Variants in CHD4 observed in about 807,000 individuals in gnomAD.
CHD4 encodes chromodomain helicase DNA binding protein 4.
CHD4 carries 35 observed loss-of-function variants against 235.5 expected under a neutral mutation model. The observed-to-expected ratio is 0.15, with a 90% CI of 0.11 to 0.20. The LOEUF (loss-of-function observed/expected upper bound fraction) is 0.20, where lower values mean the gene tolerates loss of function less well. Ranked by LOEUF, CHD4 falls within the 10% of genes least tolerant of loss-of-function variation. The probability of loss-of-function intolerance (pLI) is 1.00; values close to 1 mark genes in which losing one functional copy is unlikely to be tolerated. For synonymous variants in CHD4, 900 were observed against 850.2 expected (o/e 1.06, Z -1.02); for missense variants, 1,329 against 2,432.3 (o/e 0.55, Z 9.54).
chr12:6,597,457 A>G (rs1948519598), intron 12 of CHD4, among the ~76,000 whole-genome samples: 1 of 149,844 alleles, frequency 6.7e-6, no homozygotes, highest in Admixed American at 6.6e-5. Flanking sequence ...CACAGCTAAA[A>G]TTTGTCTCAA....
At chr12:6,592,929 T>C (rs567914709) in intron 17 of CHD4, 112 bp from the exon 18 acceptor site, 201 of 1,516,762 alleles carry the variant, frequency 1.3e-4, no homozygotes, top group Middle Eastern at 1.2e-3. Flanking sequence ...ACTCCTCACA[T>C]TCTTTTTAAA....
chr12:6,577,945 A>G (rs763189593), intron 36 of CHD4, 28 bp from the exon 37 acceptor site: 6 of 1,613,290 alleles, frequency 3.7e-6, no homozygotes, highest in Non-Finnish European at 5.1e-6. Flanking sequence ...AGGAAAAACA[A>G]AACAAGGAAA....
At chr12:6,577,113 T>G (rs1232242377) in intron 37 of CHD4, among the ~76,000 whole-genome samples, 3 of 152,038 alleles carry the variant, frequency 2.0e-5, no homozygotes, top group South Asian at 2.1e-4. Flanking sequence ...ACACAGGCAC[T>G]TTTTAGCCCA....
intron 2 of CHD4, among the ~76,000 whole-genome samples, chr12:6,603,423 G>A (rs1206172987): frequency 3.9e-5 from 6 of 152,230 alleles, no homozygotes; most frequent in Admixed American, 2.6e-4. Context: ...AGAAAGGAGT[G>A]GAGAGAAGAA....
In CHD4 at chr12:6,570,851, A is replaced by G. The variant is rs202049023; in HGVS notation, c.5721+18T>C. Reference sequence around the variant, plus strand: ...GGTTCTGCAGGAAGAGGTGGTGTCAAGAAGAAAATGGTCCTACCTGCTGTG... The same window carrying G: ...GGTTCTGCAGGAAGAGGTGGTGTCAGGAAGAAAATGGTCCTACCTGCTGTG... On this transcript the variant is annotated intron_variant, in intron 39 of 39. Transcript: ENST00000544040. 70 of 1,613,784 alleles carry G rather than the reference A, an allele frequency of 4.3e-5. No homozygotes were observed. Among genetic ancestry groups the G allele is most frequent in the Non-Finnish European group, 5.8e-5 (68 of 1,179,826 alleles).
chr12:6,578,706 C>A, intron 34 of CHD4, 140 bp downstream of exon 34: 2 of 1,366,706 alleles, frequency 1.5e-6, no homozygotes, highest in Non-Finnish European at 2.1e-6. Flanking sequence ...CCACTGACAA[C>A]TAAATGTGGG....
At position 6,593,077 on chromosome 12, in the gene CHD4, C is replaced by G. The variant is rs751963093; in HGVS notation, c.2652+14G>C. ...CCAAAGTGGGGGCTCCAACATCCCTCCCTCAGCCCTCACCTTAGACTGATT... is the reference window on the plus strand; with the variant it reads ...CCAAAGTGGGGGCTCCAACATCCCTGCCTCAGCCCTCACCTTAGACTGATT... On this transcript the variant is annotated intron_variant, in intron 17 of 39. Transcript: ENST00000544040. This position sits in a 1 kb window ranked among gnomAD's most constrained non-coding sequence, Gnocchi z 4.9. 5 of 1,613,190 alleles carry G rather than the reference C, an allele frequency of 3.1e-6. No individual in the cohort carries two copies. Among genetic ancestry groups the G allele is most frequent in the African/African-American group, 2.7e-5 (2 of 75,028 alleles).
At position 6,570,413 on chromosome 12, in the gene CHD4, T is replaced by TG; in HGVS notation, c.*262dup. ...AGTTTGTGTGTAACAGGCGTTACAGTGGGGAGAAGCCAGGGTCCAGAAGGC... is the reference window on the plus strand; with the variant it reads ...AGTTTGTGTGTAACAGGCGTTACAGTGGGGGAGAAGCCAGGGTCCAGAAGGC... On this transcript the variant is annotated 3_prime_UTR_variant, in exon 40 of 40. Coordinates refer to ENST00000544040, the MANE Select transcript of CHD4 (RefSeq NM_001273.5). 1 of 529,288 alleles carries TG rather than the reference T, an allele frequency of 1.9e-6. No individual in the cohort carries two copies. Among genetic ancestry groups the TG allele is most frequent in the Admixed American group, 3.5e-5 (1 of 28,574 alleles). 32.8% of individuals were successfully genotyped at this position (529,288 alleles called of 1,614,324 possible). A position where few individuals can be genotyped will look rare whatever the true frequency, so the allele number is the denominator to read the frequency against.
At chr12:6,574,481 T>TC (rs1436526066) in intron 37 of CHD4, among the ~76,000 whole-genome samples, 1 of 151,952 alleles carries the variant, frequency 6.6e-6, no homozygotes, top group Non-Finnish European at 1.5e-5. Flanking sequence ...TGTTGGTTCT[T>TC]AATTTATGAA....
intron 33 of CHD4, chr12:6,579,133 G>C: frequency 2.5e-6 from 1 of 400,366 alleles, no homozygotes; most frequent in South Asian, 2.8e-5. Flanking sequence ...TGGCCAACAA[G>C]GTGAACCCCA....
chr12:6,582,965 C>T (rs763407178), intron 27 of CHD4, 29 bp from the exon 28 acceptor site: 4 of 1,611,844 alleles, frequency 2.5e-6, no homozygotes, highest in Non-Finnish European at 3.4e-6. Flanking sequence ...GAATGAGTGA[C>T]ACAGGTAGGA....
In CHD4 at chr12:6,598,316, G is replaced by A. The variant is rs758136003; in HGVS notation, c.1592C>T (p.Ser531Phe). 47 of 1,614,048 alleles carry A rather than the reference G, an allele frequency of 2.9e-5. No homozygotes were observed. Among genetic ancestry groups the A allele is most frequent in the Middle Eastern group, 3.3e-4 (2 of 6,082 alleles). ...TGGCCGCCCCTCCAAGGGCTTTGGG[G>A]AGGGCGTGTTGGGATCAGCATCTGG... is the stretch of plus-strand genomic sequence containing the variant. ...RPPDADPNTP[S>F]PKPLEGRPER... Residue 531 changes from serine to phenylalanine, a missense_variant, in exon 11 of 40, where the codon TCC becomes TTC. By Grantham distance (155) the Ser-to-Phe change is radical (BLOSUM62 -2). Transcript: ENST00000544040.
chr12:6,582,305 G>C, intron 29 of CHD4, 24 bp from the exon 30 acceptor site: 1 of 1,537,154 alleles, frequency 6.5e-7, no homozygotes. Context: ...TAGAGAAAGA[G>C]TTAAATAGGG....
intron 12 of CHD4, 42 bp downstream of exon 12, chr12:6,597,852 C>G: frequency 6.4e-7 from 1 of 1,563,030 alleles, no homozygotes. Flanking sequence ...TAGCAGGACT[C>G]TCCCACGGAG....
In CHD4 at chr12:6,580,704, G is replaced by GAAAAAAAA. The variant is rs57266458; in HGVS notation, c.4909+332_4909+339dup. Reference sequence around the variant, plus strand: ...CCTGGGCAACGAGTAAAACTCCTTTGAAAAAAAAAAAAAAAAAAAAAAAGC... The same window carrying GAAAAAAAA: ...CCTGGGCAACGAGTAAAACTCCTTTGAAAAAAAAAAAAAAAAAAAAAAAAAAAAAAAGC... On this transcript the variant is annotated intron_variant, in intron 33 of 39. Coordinates refer to ENST00000544040, the MANE Select transcript of CHD4 (RefSeq NM_001273.5). The GAAAAAAAA allele has an allele frequency of 3.0e-4, 13 of 43,454 alleles. 1 individual carries two copies. Among genetic ancestry groups the GAAAAAAAA allele is most frequent in the African/African-American group, 1.2e-3 (9 of 7,756 alleles). 2.7% of individuals were successfully genotyped at this position (43,454 alleles called of 1,614,324 possible).
intron 22 of CHD4, 157 bp downstream of exon 22, chr12:6,591,309 A>G: frequency 6.4e-6 from 4 of 623,594 alleles, no homozygotes; most frequent in Non-Finnish European, 1.1e-5. Context: ...GGAATAGTCC[A>G]ATACATTCGT....
In CHD4 at chr12:6,596,146, C is replaced by T. The variant is rs768893069; in HGVS notation, c.1893-9G>A. The T allele has an allele frequency of 3.1e-6, 5 of 1,610,706 alleles. No homozygotes were observed. Among genetic ancestry groups the T allele is most frequent in the Non-Finnish European group, 2.5e-6 (3 of 1,178,944 alleles). On this transcript the variant is annotated splice_polypyrimidine_tract_variant and intron_variant, in intron 12 of 39. Transcript: ENST00000544040. ...GGCCCTTCTTGTCCACACTGCAAGT[C>T]CAGGAGAGAAAACCCTCAGAGCCAG... is the stretch of plus-strand genomic sequence containing the variant.
In CHD4 at chr12:6,573,255, A is replaced by T; in HGVS notation, c.5376T>A (p.Ala1792=). The change falls in exon 38 of 40, where the codon GCT becomes GCA. Residue 1792 remains alanine (A), a synonymous_variant. Transcript: ENST00000544040. ...LARRFKLLEQ[A]LVIEEQLRRA... is the part of the protein sequence containing the mutation. ...GGCGCAGCTGTTCCTCAATCACCAGAGCTTGTTCTAAGAGCTGGACAAGGG... is the reference window on the plus strand; with the variant it reads ...GGCGCAGCTGTTCCTCAATCACCAGTGCTTGTTCTAAGAGCTGGACAAGGG... 6.4e-7 allele frequency: 1 copy of T among 1,567,938 alleles called. No individual in the cohort carries two copies. The highest frequency in any genetic ancestry group is 8.6e-7 in the Non-Finnish European group (1 of 1,163,982).
rs1441200268 is a variant in CHD4 at position 6,587,382 on chromosome 12, AC to A, written c.3879+1del. The A allele has an allele frequency of 6.2e-7, 1 of 1,613,380 alleles. No homozygotes were observed. The highest frequency in any genetic ancestry group is 8.5e-7 in the Non-Finnish European group (1 of 1,179,750). On this transcript the variant is annotated splice_donor_variant, in intron 25 of 39. Transcript: ENST00000544040. LOFTEE classifies it high-confidence loss of function. ...ACAGGATTGCCTTGGATTCATACTC[AC>A]CCCCATTTCTTCTTCCCGTACCACA...
Sources: gnomAD v4.1 joint callset for allele counts (sites outside exome capture counted in the v4.1 genomes callset) on GRCh38, gnomAD v4.1.1 for gene constraint, Gnocchi (gnomAD v3.1) non-coding constraint, MANE v1.5 for transcripts, NCBI Gene and HGNC (gene_info 2026-07-23, HGNC 2026-07-21) for gene names.